The following AGPAT4 variants were observed in gnomAD, a reference collection of about 807,000 sequenced individuals.
The protein encoded by AGPAT4 is 1-acylglycerol-3-phosphate O-acyltransferase 4.
AGPAT4 carries 15 observed loss-of-function variants against 48.0 expected under a neutral mutation model. That is an observed-to-expected ratio of 0.31 (90% CI 0.21 to 0.48). The LOEUF (loss-of-function observed/expected upper bound fraction) is 0.48. Ranked by LOEUF, AGPAT4 falls within the 20% of genes least tolerant of loss-of-function variation. The pLI is 0.99. For missense variants in AGPAT4, 314 were observed against 482.5 expected (o/e 0.65, Z 3.27); for synonymous variants, 178 against 198.7 (o/e 0.90, Z 0.88).
At chr6:161,269,707 T>C (rs1238091206) in intron 1 of AGPAT4, among the ~76,000 whole-genome samples, 2 of 152,176 alleles carry the variant, frequency 1.3e-5, no homozygotes, top group African/African-American at 4.8e-5. Flanking sequence ...TTCCTGATAG[T>C]TCTTAAGCTT....
In AGPAT4 at chr6:161,249,922, T is replaced by C. The variant is rs1782761309; in HGVS notation, c.-89-17620A>G. Among the ~76,000 whole-genome samples, 1 of 152,166 alleles carries C rather than the reference T, an allele frequency of 6.6e-6. No individual in the cohort carries two copies. ...TATTCACTATTGCAGCTATTCACAATAGCAAAGACATGAAATCAACCTCAA... is the reference window on the plus strand; with the variant it reads ...TATTCACTATTGCAGCTATTCACAACAGCAAAGACATGAAATCAACCTCAA... On this transcript the variant is annotated intron_variant, in intron 1 of 8. Transcript: ENST00000320285. The surrounding 1 kb of genome is among the most constrained non-coding windows in gnomAD (Gnocchi z 6.2).
Position 161,234,539 on chromosome 6 carries a change from G to A in AGPAT4, c.-89-2237C>T, listed in dbSNP as rs1245094508. On this transcript the variant is annotated intron_variant, in intron 1 of 8. Coordinates refer to ENST00000320285, the MANE Select transcript of AGPAT4 (RefSeq NM_020133.3). The surrounding 1 kb of genome is among the most constrained non-coding windows in gnomAD (Gnocchi z 4.4). ...AATAGGCGTTAAGCTGGCAGCCCCC[G>A]CTCAGTGCACTTGACTTTGGGAGCC... Among the ~76,000 whole-genome samples, 1 of 152,162 alleles carries A rather than the reference G, an allele frequency of 6.6e-6. No homozygotes were observed. The highest frequency in any genetic ancestry group is 2.4e-5 in the African/African-American group (1 of 41,450).
chr6:161,253,927 G>C (rs1782872985), intron 1 of AGPAT4, among the ~76,000 whole-genome samples: 1 of 152,160 alleles, frequency 6.6e-6, no homozygotes, highest in African/African-American at 2.4e-5. Context: ...CAGTGCTACA[G>C]ACAATGCAGT....
rs1778885040 is a variant in AGPAT4, at chr6:161,131,030, T to C, written c.*5510A>G. 2.5e-6 allele frequency: 1 copy of C among 401,086 alleles called. No homozygotes were observed. Among genetic ancestry groups the C allele is most frequent in the Admixed American group, 2.5e-5 (1 of 39,814 alleles). 24.8% of individuals were successfully genotyped at this position (401,086 alleles called of 1,614,324 possible). ...TTTTGGAAATGCAAAGGAATTATTA[T>C]GCAGCAATCTTAACTTTGTGTACAT... On this transcript the variant is annotated 3_prime_UTR_variant, in exon 9 of 9. Transcript: ENST00000320285.
At position 161,202,164 on chromosome 6, in the gene AGPAT4, T is replaced by G. The variant is rs1172035712; in HGVS notation, c.178+29872A>C. 6.6e-6 allele frequency among the ~76,000 whole-genome samples: 1 copy of G among 152,088 alleles called. No homozygotes were observed. Among genetic ancestry groups the G allele is most frequent in the Non-Finnish European group, 1.5e-5 (1 of 67,998 alleles). ...GATGGCCCAAAATAACAAAAACACTTATTATCTCCGACAGTTTCTGAAGGT... is the reference window on the plus strand; with the variant it reads ...GATGGCCCAAAATAACAAAAACACTGATTATCTCCGACAGTTTCTGAAGGT... On this transcript the variant is annotated intron_variant, in intron 2 of 8. Coordinates refer to ENST00000320285, the MANE Select transcript of AGPAT4 (RefSeq NM_020133.3). The surrounding 1 kb of genome is among the most constrained non-coding windows in gnomAD (Gnocchi z 5.4).
intron 5 of AGPAT4, among the ~76,000 whole-genome samples, chr6:161,150,818 G>C (rs575534269): frequency 2.0e-5 from 3 of 152,222 alleles, no homozygotes; most frequent in Non-Finnish European, 4.4e-5. Flanking sequence ...AGGAACAGCT[G>C]TTCAGGCTGT....
intron 2 of AGPAT4, among the ~76,000 whole-genome samples, chr6:161,191,796 G>C (rs1780929335): frequency 6.6e-6 from 1 of 152,226 alleles, no homozygotes; most frequent in Admixed American, 6.5e-5. Context: ...GTGCAGAAGA[G>C]AGTTACACAT....
At chr6:161,183,753 GAGGCT>G (rs1780678649) in intron 2 of AGPAT4, among the ~76,000 whole-genome samples, 1 of 131,860 alleles carries the variant, frequency 7.6e-6, no homozygotes, top group African/African-American at 2.9e-5. Context: ...GGAGGGGAGG[GAGGCT>G]GATCCTTCTG....
At position 161,270,058 on chromosome 6, in the gene AGPAT4, A is replaced by G. The variant is rs565207879; in HGVS notation, c.-90+3880T>C. Among the ~76,000 whole-genome samples the G allele has an allele frequency of 1.3e-5, 2 of 152,368 alleles. No homozygotes were observed. Among genetic ancestry groups the G allele is most frequent in the South Asian group, 4.1e-4 (2 of 4,830 alleles). On this transcript the variant is annotated intron_variant, in intron 1 of 8. Transcript: ENST00000320285. The surrounding 1 kb of genome is among the most constrained non-coding windows in gnomAD (Gnocchi z 5.3). Reference sequence around the variant, plus strand: ...TGAAACAAATTATACTCCTTTTAAGATATTTCCTCTTATTCAGTCATTAGA... The same window carrying G: ...TGAAACAAATTATACTCCTTTTAAGGTATTTCCTCTTATTCAGTCATTAGA...
intron 2 of AGPAT4, among the ~76,000 whole-genome samples, chr6:161,170,586 T>A (rs537284506): frequency 1.3e-5 from 2 of 152,236 alleles, no homozygotes; most frequent in East Asian, 3.9e-4. Flanking sequence ...CTTATGTAAA[T>A]ATACTGCACA....
Position 161,272,915 on chromosome 6 carries a change from G to A in AGPAT4, c.-90+1023C>T, listed in dbSNP as rs1783471088. On this transcript the variant is annotated intron_variant, in intron 1 of 8. Coordinates refer to ENST00000320285, the MANE Select transcript of AGPAT4 (RefSeq NM_020133.3). The surrounding 1 kb of genome is among the most constrained non-coding windows in gnomAD (Gnocchi z 4.2). Reference sequence around the variant, plus strand: ...ACGAAAACGAAAAACGGAGAATCCTGCCCGGCAGTTAATTTGTTACTCATA... The same window carrying A: ...ACGAAAACGAAAAACGGAGAATCCTACCCGGCAGTTAATTTGTTACTCATA... Among the ~76,000 whole-genome samples the A allele has an allele frequency of 6.6e-6, 1 of 152,174 alleles. No homozygotes were observed. Among genetic ancestry groups the A allele is most frequent in the Non-Finnish European group, 1.5e-5 (1 of 68,038 alleles).
At chr6:161,176,704 G>C (rs1021921598) in intron 2 of AGPAT4, among the ~76,000 whole-genome samples, 3 of 152,140 alleles carry the variant, frequency 2.0e-5, no homozygotes, top group Non-Finnish European at 4.4e-5. Flanking sequence ...TGGTTATTTT[G>C]CTCGTTAATT....
At chr6:161,185,123 T>C (rs1381334749) in intron 2 of AGPAT4, among the ~76,000 whole-genome samples, 1 of 137,692 alleles carries the variant, frequency 7.3e-6, no homozygotes, top group East Asian at 2.1e-4. Context: ...TAAATCCCTA[T>C]GTAAATACTC....
chr6:161,138,008 C>T lies in AGPAT4; in HGVS notation c.1043-1374G>A, dbSNP rs7754215. On this transcript the variant is annotated intron_variant, in intron 8 of 8. Transcript: ENST00000320285. This position sits in a 1 kb window ranked among gnomAD's most constrained non-coding sequence, Gnocchi z 4.8. ...TGCAGCCTTCATCCTGAAGGGGCCC[C>T]TCTCCAAGACGGCGTGGGTGTGTGT... is the stretch of plus-strand genomic sequence containing the variant. Among the ~76,000 whole-genome samples, 43,483 of 152,082 alleles carry T rather than the reference C, an allele frequency of 0.29. 8,030 individuals are homozygous for T. The highest frequency in any genetic ancestry group is 0.53 in the African/African-American group (22,104 of 41,472).
chr6:161,228,912 G>A (rs1267730981), intron 2 of AGPAT4, among the ~76,000 whole-genome samples: 3 of 151,484 alleles, frequency 2.0e-5, no homozygotes, highest in Admixed American at 6.6e-5. Context: ...ATCATCCATC[G>A]AGATTACATT....
rs919008869 is a variant in AGPAT4 at position 161,259,432 on chromosome 6, G to A, written c.-90+14506C>T. Reference sequence around the variant, plus strand: ...TATGCTTTGAGTTGCTGGTGATCACGGACTTTTGTAGAGCCACCCGGTCTT... The same window carrying A: ...TATGCTTTGAGTTGCTGGTGATCACAGACTTTTGTAGAGCCACCCGGTCTT... On this transcript the variant is annotated intron_variant, in intron 1 of 8. Transcript: ENST00000320285. This position sits in a 1 kb window ranked among gnomAD's most constrained non-coding sequence, Gnocchi z 4.9. 5.9e-5 allele frequency among the ~76,000 whole-genome samples: 9 copies of A among 151,966 alleles called. No homozygotes were observed. Among genetic ancestry groups the A allele is most frequent in the African/African-American group, 2.2e-4 (9 of 41,406 alleles).
intron 1 of AGPAT4, among the ~76,000 whole-genome samples, chr6:161,253,063 A>C (rs1217197033): frequency 6.6e-6 from 1 of 150,890 alleles, no homozygotes; most frequent in Non-Finnish European, 1.5e-5. Flanking sequence ...AAAGTACAAA[A>C]ATTAGCTGGC....
rs1286033864 is a variant in AGPAT4, at chr6:161,218,400, C to T, written c.178+13636G>A. ...GAGCTCCCTTTTAAAACATGCACGA[C>T]TCCCTCTGCTGGCATGATGGTCTGA... On this transcript the variant is annotated intron_variant, in intron 2 of 8. Transcript: ENST00000320285. The surrounding 1 kb of genome is among the most constrained non-coding windows in gnomAD (Gnocchi z 4.7). Among the ~76,000 whole-genome samples, 3 of 152,250 alleles carry T rather than the reference C, an allele frequency of 2.0e-5. No individual in the cohort carries two copies. Among genetic ancestry groups the T allele is most frequent in the African/African-American group, 7.2e-5 (3 of 41,472 alleles).
intron 2 of AGPAT4, among the ~76,000 whole-genome samples, chr6:161,172,547 G>A (rs1311830408): frequency 6.6e-6 from 1 of 152,224 alleles, no homozygotes; most frequent in Non-Finnish European, 1.5e-5. Flanking sequence ...AAAGGCCACA[G>A]GACAGAAAGG....
Sources: allele counts gnomAD v4.1 joint callset (sites outside exome capture counted in the v4.1 genomes callset), GRCh38; gene constraint gnomAD v4.1.1; non-coding constraint Gnocchi (gnomAD v3.1); transcripts MANE v1.5; gene names NCBI Gene and HGNC (gene_info 2026-07-23, HGNC 2026-07-21).